CNBD1: variants seen among roughly 807,000 people sequenced by gnomAD.
The protein encoded by CNBD1 is cyclic nucleotide-binding domain-containing protein 1.
CNBD1 carries 71 observed loss-of-function variants against 54.4 expected under a neutral mutation model. The ratio of observed to expected loss-of-function variants is 1.30; its 90% CI spans 1.08 to 1.59. The LOEUF (loss-of-function observed/expected upper bound fraction) is 1.59. CNBD1 is among the 40% of genes most tolerant of loss of function. CNBD1 has a pLI of 0.00. For synonymous variants in CNBD1, 182 were observed against 170.7 expected (o/e 1.07, Z -0.51); for missense variants, 659 against 518.0 (o/e 1.27, Z -2.64).
At chr8:87,374,078 TA>T (rs1170092087) in intron 10 of CNBD1, among the ~76,000 whole-genome samples, 3 of 151,718 alleles carry the variant, frequency 2.0e-5, no homozygotes, top group Non-Finnish European at 2.9e-5. Flanking sequence ...ACTAATCCCC[TA>T]AAAAATTCCT....
At chr8:87,248,661 T>G (rs1482083999) in intron 6 of CNBD1, among the ~76,000 whole-genome samples, 1 of 152,214 alleles carries the variant, frequency 6.6e-6, no homozygotes, top group Admixed American at 6.5e-5. Flanking sequence ...TTGCAGTGAA[T>G]CTGCAATTTA....
chr8:87,072,732 C>T (rs1205894684), intron 4 of CNBD1, among the ~76,000 whole-genome samples: 4 of 150,584 alleles, frequency 2.7e-5, no homozygotes, highest in Non-Finnish European at 5.9e-5. Context: ...TTTTTGGTTG[C>T]CCTTGATATT....
chr8:87,339,377 G>A lies in CNBD1; in HGVS notation c.1043-12308G>A, dbSNP rs1036331747. 4.6e-5 allele frequency among the ~76,000 whole-genome samples: 7 copies of A among 151,980 alleles called. No individual in the cohort carries two copies. The South Asian group carries it at 1.2e-3, about 27-fold the overall frequency. On this transcript the variant is annotated intron_variant, in intron 8 of 10. Transcript: ENST00000518476. ...TTACAATTCAGGTTTCCCTACGCTC[G>A]CGTCATTTCCCATGGAAATTTCAGC...
intron 4 of CNBD1, among the ~76,000 whole-genome samples, chr8:87,032,408 G>T (rs976063946): frequency 6.6e-6 from 1 of 152,056 alleles, no homozygotes; most frequent in African/African-American, 2.4e-5. Flanking sequence ...ACTAAAGTAA[G>T]CTAGAGAAAA....
intron 4 of CNBD1, among the ~76,000 whole-genome samples, chr8:87,018,662 G>A (rs1809417738): frequency 6.6e-6 from 1 of 151,814 alleles, no homozygotes; most frequent in Non-Finnish European, 1.5e-5. Flanking sequence ...CAAGATCATG[G>A]TATTCTAAAG....
At chr8:87,226,100 T>G (rs1413463525) in intron 5 of CNBD1, among the ~76,000 whole-genome samples, 2 of 152,170 alleles carry the variant, frequency 1.3e-5, no homozygotes, top group East Asian at 3.9e-4. Flanking sequence ...CCTTTACCAT[T>G]TTTTATTGCA....
intron 2 of CNBD1, among the ~76,000 whole-genome samples, chr8:87,419,979 T>C (rs1312974910): frequency 6.7e-6 from 1 of 149,318 alleles, no homozygotes; most frequent in South Asian, 2.1e-4. Flanking sequence ...TTATATGTAA[T>C]ATAGCAATAT....
intron 4 of CNBD1, among the ~76,000 whole-genome samples, chr8:87,154,430 T>TG (rs1164479920): frequency 2.6e-5 from 4 of 152,152 alleles, no homozygotes; most frequent in Non-Finnish European, 5.9e-5. Context: ...ACGTGTCCAG[T>TG]GGCTTAGAAG....
In CNBD1 at chr8:87,334,620, T is replaced by C. The variant is rs148397368; in HGVS notation, c.1043-17065T>C. On this transcript the variant is annotated intron_variant, in intron 8 of 10. Coordinates refer to ENST00000518476, the MANE Select transcript of CNBD1 (RefSeq NM_173538.3). ...AAAGAACTTGATTTCTGCCTTAATT[T>C]TGTTATTTACCCAGTAGTCATTCAG... is the stretch of plus-strand genomic sequence containing the variant. 6.3e-3 allele frequency among the ~76,000 whole-genome samples: 958 copies of C among 152,218 alleles called. 9 individuals carry two copies. The highest frequency in any genetic ancestry group is 0.022 in the African/African-American group (898 of 41,550).
At chr8:86,971,823 TATTA>T (rs1478604758) in intron 4 of CNBD1, among the ~76,000 whole-genome samples, 1 of 152,214 alleles carries the variant, frequency 6.6e-6, no homozygotes, top group African/African-American at 2.4e-5. Context: ...AATGAACACA[TATTA>T]ATTCTAAACA....
At chr8:86,877,363 T>C (rs2131774729) in intron 1 of CNBD1, among the ~76,000 whole-genome samples, 2 of 152,270 alleles carry the variant, frequency 1.3e-5, no homozygotes, top group South Asian at 4.1e-4. Context: ...AAGTCTTAGT[T>C]GTATGGGTAT....
Position 87,351,683 on chromosome 8 carries a change from A to G in CNBD1, c.1043-2A>G. On this transcript the variant is annotated splice_acceptor_variant, in intron 8 of 10. Transcript: ENST00000518476. LOFTEE classifies it high-confidence loss of function. ...GAAATGAACTATCTCTCTTCTTTTC[A>G]GTGATAGTGGAAAGTGGAAATATAA... 6.7e-7 allele frequency: 1 copy of G among 1,497,300 alleles called. No homozygotes were observed. The highest frequency in any genetic ancestry group is 8.9e-7 in the Non-Finnish European group (1 of 1,128,110). The allele number at this position is 1,497,300 out of a possible 1,614,324, so 92.8% of individuals were successfully genotyped here.
At chr8:86,958,443 T>C (rs529241400) in intron 4 of CNBD1, among the ~76,000 whole-genome samples, 7 of 152,260 alleles carry the variant, frequency 4.6e-5, no homozygotes, top group African/African-American at 1.7e-4. Flanking sequence ...AAGTCTCCCA[T>C]TATTATTGTG....
At chr8:87,360,154 C>T (rs184363018) in intron 10 of CNBD1, among the ~76,000 whole-genome samples, 7 of 151,878 alleles carry the variant, frequency 4.6e-5, no homozygotes, top group Non-Finnish European at 2.9e-5. Flanking sequence ...ACTCACTGTA[C>T]CTGTACTTCA....
chr8:87,417,691 A>G (rs1265650427), intron 2 of CNBD1, among the ~76,000 whole-genome samples: 1 of 151,984 alleles, frequency 6.6e-6, no homozygotes, highest in Non-Finnish European at 1.5e-5. Context: ...ATTTCTATAC[A>G]CTAGCAAAGA....
In CNBD1 at chr8:86,896,386, T is replaced by C. The variant is rs1331483209; in HGVS notation, c.159-8695T>C. 3.9e-5 allele frequency among the ~76,000 whole-genome samples: 6 copies of C among 152,164 alleles called. No homozygotes were observed. In the East Asian group the frequency reaches 1.2e-3, roughly 29 times the overall value. On this transcript the variant is annotated intron_variant, in intron 2 of 10. Coordinates refer to ENST00000518476, the MANE Select transcript of CNBD1 (RefSeq NM_173538.3). ...CATTGAATCTGTATATTGGTTTGGA[T>C]AATATGAACATTCTAACAATATTAA...
At chr8:87,091,985 GTTA>G (rs1014761343) in intron 4 of CNBD1, among the ~76,000 whole-genome samples, 41 of 152,178 alleles carry the variant, frequency 2.7e-4, no homozygotes, top group African/African-American at 9.4e-4. Context: ...ATACTATATT[GTTA>G]TTATGCGTTA....
At chr8:87,381,805 A>T (rs990594090) in intron 10 of CNBD1, among the ~76,000 whole-genome samples, 46 of 152,056 alleles carry the variant, frequency 3.0e-4, no homozygotes, top group African/African-American at 1.1e-3. Flanking sequence ...CGTCAAATTT[A>T]TAGGATTAAA....
chr8:87,331,349 G>T (rs902847209), intron 8 of CNBD1, among the ~76,000 whole-genome samples: 1 of 152,166 alleles, frequency 6.6e-6, no homozygotes, highest in South Asian at 2.1e-4. Flanking sequence ...TGTTGAGGTT[G>T]ATGGCTTCCA....
Sources: gnomAD v4.1 joint callset for allele counts (sites outside exome capture counted in the v4.1 genomes callset) on GRCh38, gnomAD v4.1.1 for gene constraint, MANE v1.5 for transcripts, NCBI Gene and HGNC (gene_info 2026-07-23, HGNC 2026-07-21) for gene names.